The following TSPOAP1 variants were observed in gnomAD, a reference collection of about 807,000 sequenced individuals.
TSPOAP1 encodes the protein peripheral-type benzodiazepine receptor-associated protein 1.
A neutral mutation model predicts 197.0 loss-of-function variants in TSPOAP1; 87 were observed. That is an observed-to-expected ratio of 0.44 (90% CI 0.37 to 0.53). The LOEUF is 0.53. Ranked by LOEUF, TSPOAP1 falls within the 20% of genes least tolerant of loss-of-function variation. TSPOAP1 has a pLI of 0.00. For synonymous variants in TSPOAP1, 913 were observed against 998.9 expected, an observed-to-expected ratio of 0.91 and a Z score of 1.62; for missense variants, 2,174 against 2,411.3, an observed-to-expected ratio of 0.90 and a Z score of 2.06.
rs764992704 is a variant in TSPOAP1, at chr17:58,312,086, G to T, written c.2735C>A (p.Ala912Asp). ...GCACTCTTCCCCATTGAGGTAGATG[G>T]CATGGGCCAAGTTGCTATTGCCGGG... is the stretch of plus-strand genomic sequence containing the variant. ...WVPGNSNLAH[A>D]IYLNGEECPP... is the part of the protein sequence containing the mutation. Residue 912 changes from alanine (A) to aspartate (D), a missense_variant, in exon 17 of 32, where the codon GCC becomes GAC. Ala to Asp is a moderately radical substitution (Grantham distance 126). This residue lies in a region of TSPOAP1 where 1,933 missense variants were observed against 2,139.0 expected (regional missense o/e 0.90). Coordinates refer to ENST00000343736, the MANE Select transcript of TSPOAP1 (RefSeq NM_004758.4). 4 of 1,613,306 alleles carry T rather than the reference G, an allele frequency of 2.5e-6. No homozygotes were observed. Among genetic ancestry groups the T allele is most frequent in the Non-Finnish European group, 3.4e-6 (4 of 1,179,986 alleles).
In TSPOAP1 at chr17:58,326,904, G is replaced by A. The variant is rs1971632284; in HGVS notation, c.334-114C>T. ...TCCAAGGAGACATGGAGATGAAACG[G>A]TTTCCCCTATGTCCCAGGCCTTCAG... is the stretch of plus-strand genomic sequence containing the variant. On this transcript the variant is annotated intron_variant, in intron 1 of 31. Transcript: ENST00000343736. This position sits in a 1 kb window ranked among gnomAD's most constrained non-coding sequence, Gnocchi z 4.7. 1 of 882,126 alleles carries A rather than the reference G, an allele frequency of 1.1e-6. No homozygotes were observed. The highest frequency in any genetic ancestry group is 1.7e-5 in the African/African-American group (1 of 60,480). The allele number at this position is 882,126 out of a possible 1,614,324, so 54.6% of individuals were successfully genotyped here. A position where few individuals can be genotyped will look rare whatever the true frequency, so the allele number is the denominator to read the frequency against.
At position 58,324,638 on chromosome 17, in the gene TSPOAP1, G is replaced by A. The variant is rs146033495; in HGVS notation, c.942+173C>T. 6.6e-6 allele frequency among the ~76,000 whole-genome samples: 1 copy of A among 152,012 alleles called. No individual in the cohort carries two copies. Among genetic ancestry groups the A allele is most frequent in the African/African-American group, 2.4e-5 (1 of 41,398 alleles). The stretch of plus-strand genomic sequence containing the variant: ...GAGGGCACGGCGCAGGTACGAGCAC[G>A]GGAGGCTTGGAGGTGGACCCTGCCC... On this transcript the variant is annotated intron_variant, in intron 5 of 31. Coordinates refer to ENST00000343736, the MANE Select transcript of TSPOAP1 (RefSeq NM_004758.4). This position sits in a 1 kb window ranked among gnomAD's most constrained non-coding sequence, Gnocchi z 5.8.
In TSPOAP1 at chr17:58,309,509, C is replaced by G. The variant is rs1023231915; in HGVS notation, c.3892-129G>C. The G allele has an allele frequency of 7.8e-7, 1 of 1,287,228 alleles. No individual in the cohort carries two copies. Among genetic ancestry groups the G allele is most frequent in the African/African-American group, 1.5e-5 (1 of 66,706 alleles). The allele number at this position is 1,287,228 out of a possible 1,614,324, so 79.7% of individuals were successfully genotyped here. ...TACGGACAACCCCACAGCCCTCCCA[C>G]GGCTTCCTCCGAGAGGAGAGAACCA... On this transcript the variant is annotated intron_variant, in intron 21 of 31. Coordinates refer to ENST00000343736, the MANE Select transcript of TSPOAP1 (RefSeq NM_004758.4). The surrounding 1 kb of genome is among the most constrained non-coding windows in gnomAD (Gnocchi z 5.0).
chr17:58,308,545 G>A lies in TSPOAP1; in HGVS notation c.4727C>T (p.Ser1576Phe). ...SATGRAKEPLSRATETGEARG... is the reference protein window; with the variant it reads ...SATGRAKEPLFRATETGEARG... Reference sequence around the variant, plus strand: ...GGGCGGGGAGTGAGCACGGACCCGGGAGAGTGGCTCCTTGGCTCTGCCCGT... The same window carrying A: ...GGGCGGGGAGTGAGCACGGACCCGGAAGAGTGGCTCCTTGGCTCTGCCCGT... The change falls in exon 22 of 32, where the codon TCC becomes TTC. Residue 1576 changes from serine (S) to phenylalanine (F), a missense_variant. Transcript: ENST00000343736. The A allele has an allele frequency of 5.2e-6, 8 of 1,526,396 alleles. No individual in the cohort carries two copies. Among genetic ancestry groups the A allele is most frequent in the Non-Finnish European group, 7.0e-6 (8 of 1,136,042 alleles). The allele number at this position is 1,526,396 out of a possible 1,614,324, so 94.6% of individuals were successfully genotyped here. A position where few individuals can be genotyped will look rare whatever the true frequency, so the allele number is the denominator to read the frequency against.
rs771627637 is a variant in TSPOAP1 at position 58,326,670 on chromosome 17, C to G, written c.441+13G>C. 1 of 1,613,536 alleles carries G rather than the reference C, an allele frequency of 6.2e-7. No individual in the cohort carries two copies. The highest frequency in any genetic ancestry group is 1.7e-5 in the Admixed American group (1 of 60,004). On this transcript the variant is annotated intron_variant, in intron 2 of 31. Transcript: ENST00000343736. The surrounding 1 kb of genome is among the most constrained non-coding windows in gnomAD (Gnocchi z 4.7). ...TCCAGCCAGAACGCAGCACCCCAGT[C>G]TCCAAGCCTCACCAGCATCTGGTTT...
In TSPOAP1 at chr17:58,311,144, C is replaced by T. The variant is rs928935088; in HGVS notation, c.3151G>A (p.Val1051Met). Reference protein sequence around the residue: ...VELSQLQLLQVCREVVVRTMS... With the variant: ...VELSQLQLLQMCREVVVRTMS... Reference sequence around the variant, plus strand: ...GTGCGCACGACCACCTCACGACACACCTGCAGCAGCTGCAGCTGGGACAAC... The same window carrying T: ...GTGCGCACGACCACCTCACGACACATCTGCAGCAGCTGCAGCTGGGACAAC... Residue 1051 changes from valine (V) to methionine (M), a missense_variant, in exon 19 of 32, where the codon GTG (valine) becomes ATG (methionine). Physicochemically the swap from Val to Met is conservative, Grantham distance 21. Transcript: ENST00000343736. 1 of 1,609,862 alleles carries T rather than the reference C, an allele frequency of 6.2e-7. No homozygotes were observed. Among genetic ancestry groups the T allele is most frequent in the African/African-American group, 1.3e-5 (1 of 74,950 alleles).
At chr17:58,325,814 G>T (rs1036515968) in intron 3 of TSPOAP1, 101 bp from the exon 4 acceptor site, 22 of 1,330,232 alleles carry the variant, frequency 1.7e-5, no homozygotes, top group Middle Eastern at 2.6e-4. Flanking sequence ...AAAACCTAGG[G>T]GGGTAGCCAC....
At chr17:58,323,245 G>A (rs1380625055) in intron 7 of TSPOAP1, 53 bp downstream of exon 7, 2 of 1,604,094 alleles carry the variant, frequency 1.2e-6, no homozygotes, top group Non-Finnish European at 1.7e-6. Context: ...CCACCACCTG[G>A]CTGGCCGGGG....
At chr17:58,315,924 GATGGATGA>G (rs1178799143) in intron 16 of TSPOAP1, 91 bp downstream of exon 16, 23 of 884,846 alleles carry the variant, frequency 2.6e-5, no homozygotes, top group East Asian at 1.2e-4. Flanking sequence ...TGGATGGATG[GATGGATGA>G]ATGGATGGAT....
In TSPOAP1 at chr17:58,309,517, T is replaced by C; in HGVS notation, c.3892-137A>G. The C allele has an allele frequency of 8.4e-7, 1 of 1,196,266 alleles. No individual in the cohort carries two copies. The highest frequency in any genetic ancestry group is 1.8e-5 in the South Asian group (1 of 56,972). 74.1% of individuals were successfully genotyped at this position (1,196,266 alleles called of 1,614,324 possible). ...ACCCCACAGCCCTCCCACGGCTTCC[T>C]CCGAGAGGAGAGAACCAGAGGGACG... On this transcript the variant is annotated intron_variant, in intron 21 of 31. Transcript: ENST00000343736. This position sits in a 1 kb window ranked among gnomAD's most constrained non-coding sequence, Gnocchi z 5.0.
At chr17:58,314,352 G>GA (rs1971155797) in intron 16 of TSPOAP1, among the ~76,000 whole-genome samples, 1 of 152,166 alleles carries the variant, frequency 6.6e-6, no homozygotes, top group Non-Finnish European at 1.5e-5. Flanking sequence ...ACCTTATTTG[G>GA]AAAAAGCGTC....
chr17:58,311,272 A>G (rs1455474044), intron 18 of TSPOAP1, 59 bp from the exon 19 acceptor site: 2 of 1,585,360 alleles, frequency 1.3e-6, no homozygotes, highest in East Asian at 4.5e-5. Flanking sequence ...AAGCGTGAGG[A>G]TGCACTGACA....
chr17:58,328,071 C>T lies in TSPOAP1; in HGVS notation c.-151G>A. The T allele has an allele frequency of 1.4e-6, 1 of 723,744 alleles. No homozygotes were observed. Among genetic ancestry groups the T allele is most frequent in the East Asian group, 2.7e-5 (1 of 36,700 alleles). 44.8% of individuals were successfully genotyped at this position (723,744 alleles called of 1,614,324 possible). ...CAAGGTTGGCTGAGCTCTTCCCCAC[C>T]CACAAAGGAGGCTGCAGAAGGCGCC... On this transcript the variant is annotated 5_prime_UTR_variant, in exon 1 of 32. Coordinates refer to ENST00000343736, the MANE Select transcript of TSPOAP1 (RefSeq NM_004758.4). The surrounding 1 kb of genome is among the most constrained non-coding windows in gnomAD (Gnocchi z 4.3).
chr17:58,302,615 G>A (rs1970748787), intron 31 of TSPOAP1, 168 bp from the exon 32 acceptor site: 1 of 317,180 alleles, frequency 3.2e-6, no homozygotes, highest in African/African-American at 2.3e-5. Context: ...ACACAGCACA[G>A]GTGGTGAATG....
intron 20 of TSPOAP1, 142 bp downstream of exon 20, chr17:58,310,370 C>T (rs1001609682): frequency 4.6e-5 from 61 of 1,327,030 alleles, no homozygotes; most frequent in Admixed American, 1.8e-4. Context: ...AGAAGAAAAA[C>T]AGACACATAG....
intron 25 of TSPOAP1, 41 bp downstream of exon 25, chr17:58,306,759 G>A (rs1567838571): frequency 6.3e-7 from 1 of 1,583,498 alleles, no homozygotes; most frequent in South Asian, 1.1e-5. Flanking sequence ...AGTTGGAAGG[G>A]GGCTGGTGGG....
At chr17:58,323,084 T>C (rs1372363172) in intron 7 of TSPOAP1, 45 bp from the exon 8 acceptor site, 32 of 1,570,146 alleles carry the variant, frequency 2.0e-5, no homozygotes, top group Non-Finnish European at 2.8e-5. Flanking sequence ...AGCACCCACA[T>C]TCCCCCTCTC....
intron 25 of TSPOAP1, 54 bp downstream of exon 25, chr17:58,306,746 T>G: frequency 1.9e-6 from 3 of 1,568,712 alleles, no homozygotes; most frequent in Non-Finnish European, 2.6e-6. Flanking sequence ...CAGGGTCAGG[T>G]GGAGTTGGAA....
At chr17:58,305,270 T>C in intron 29 of TSPOAP1, 99 bp from the exon 30 acceptor site, 2 of 1,489,602 alleles carry the variant, frequency 1.3e-6, no homozygotes, top group Non-Finnish European at 1.9e-6. Flanking sequence ...CCAAAACCAC[T>C]GTCCAGGGAG....
Sources: allele counts gnomAD v4.1 joint callset (sites outside exome capture counted in the v4.1 genomes callset), GRCh38; gene constraint gnomAD v4.1.1; regional missense constraint gnomAD v4.1.1; non-coding constraint Gnocchi (gnomAD v3.1); transcripts MANE v1.5; gene names NCBI Gene and HGNC (gene_info 2026-07-23, HGNC 2026-07-21).